The following ROBO1 variants were observed in gnomAD, a reference collection of about 807,000 sequenced individuals.
ROBO1 encodes roundabout homolog 1.
Under a neutral mutation model 195.9 loss-of-function variants are expected in ROBO1, and 149 were observed. The observed-to-expected ratio is 0.76, with a 90% CI of 0.67 to 0.87. The LOEUF (loss-of-function observed/expected upper bound fraction) is 0.87. Ranked by LOEUF, ROBO1 falls within the 40% of genes least tolerant of loss-of-function variation. ROBO1 has a pLI of 0.00. For missense variants in ROBO1, 1,933 were observed against 2,068.3 expected, an observed-to-expected ratio of 0.93 and a Z score of 1.27; for synonymous variants, 816 against 733.2, an observed-to-expected ratio of 1.11 and a Z score of -1.82.
chr3:78,841,404 A>C (rs1319496636), intron 4 of ROBO1, among the ~76,000 whole-genome samples: 1 of 152,188 alleles, frequency 6.6e-6, no homozygotes, highest in East Asian at 1.9e-4. Flanking sequence ...CTTGTGAAAC[A>C]TAAAGAACTC....
At chr3:79,591,119 T>G in intron 1 of ROBO1, among the ~76,000 whole-genome samples, 1 of 151,838 alleles carries the variant, frequency 6.6e-6, no homozygotes. Context: ...TGGAAAGACT[T>G]AATCTTTTAA....
In ROBO1 at chr3:78,655,158, G is replaced by A. The variant is rs899590429; in HGVS notation, c.2614+1940C>T. 5.9e-5 allele frequency among the ~76,000 whole-genome samples: 9 copies of A among 152,060 alleles called. No individual in the cohort carries two copies. In the East Asian group the frequency reaches 1.7e-3, roughly 29 times the overall value. On this transcript the variant is annotated intron_variant, in intron 18 of 30. Transcript: ENST00000464233. The stretch of plus-strand genomic sequence containing the variant: ...ATATTTTCATAGTTTTTGGAGAACA[G>A]GATGTTTTTAGTTATATGGATAAGT...
chr3:79,508,043 G>C (rs533083121), intron 2 of ROBO1: 1 of 152,390 alleles, frequency 6.6e-6, no homozygotes, highest in African/African-American at 2.4e-5. Context: ...TCATAAGTGG[G>C]AGTTGAACGA....
At chr3:79,009,376 T>C (rs1428231256) in intron 3 of ROBO1, among the ~76,000 whole-genome samples, 1 of 152,108 alleles carries the variant, frequency 6.6e-6, no homozygotes, top group Non-Finnish European at 1.5e-5. Context: ...AAAGCTTCAA[T>C]CTTCATTTAA....
chr3:78,651,979 T>C (rs1286902262), intron 18 of ROBO1, 50 bp from the exon 19 acceptor site: 3 of 1,386,020 alleles, frequency 2.2e-6, no homozygotes, highest in African/African-American at 1.4e-5. Flanking sequence ...AATGCAATAA[T>C]GCACGCACTC....
chr3:79,031,017 C>T (rs1020174565), intron 3 of ROBO1, among the ~76,000 whole-genome samples: 5 of 152,166 alleles, frequency 3.3e-5, no homozygotes, highest in East Asian at 1.9e-4. Context: ...CCACCATGCC[C>T]GGCCCCAATA....
chr3:79,261,704 G>T (rs150579488), intron 2 of ROBO1, among the ~76,000 whole-genome samples: 1 of 151,982 alleles, frequency 6.6e-6, no homozygotes, highest in African/African-American at 2.4e-5. Context: ...TAATTTACTT[G>T]CCAAAGATAT....
intron 2 of ROBO1, among the ~76,000 whole-genome samples, chr3:79,546,089 A>G (rs1942253385): frequency 6.6e-6 from 1 of 151,892 alleles, no homozygotes; most frequent in Non-Finnish European, 1.5e-5. Context: ...TATAGTAAAT[A>G]TTTTTCTTAT....
chr3:79,295,142 T>C (rs974719519), intron 2 of ROBO1, among the ~76,000 whole-genome samples: 1 of 152,158 alleles, frequency 6.6e-6, no homozygotes, highest in Non-Finnish European at 1.5e-5. Context: ...TAAAGACACA[T>C]GCATATGTAT....
At chr3:79,662,949 C>A (rs1408901947) in intron 1 of ROBO1, among the ~76,000 whole-genome samples, 1 of 151,930 alleles carries the variant, frequency 6.6e-6, no homozygotes, top group Non-Finnish European at 1.5e-5. Flanking sequence ...ATAAAATAAT[C>A]ACGATATATA....
intron 11 of ROBO1, among the ~76,000 whole-genome samples, chr3:78,669,403 A>G (rs1707927958): frequency 6.6e-6 from 1 of 152,182 alleles, no homozygotes. Context: ...AACCACCCAC[A>G]CTAGGAGATA....
chr3:79,642,543 C>T (rs1945697090), intron 1 of ROBO1, among the ~76,000 whole-genome samples: 1 of 152,044 alleles, frequency 6.6e-6, no homozygotes, highest in African/African-American at 2.4e-5. Flanking sequence ...GAAAATAACA[C>T]ATAAAGAAGC....
intron 2 of ROBO1, among the ~76,000 whole-genome samples, chr3:79,333,045 T>C (rs1328644205): frequency 1.3e-5 from 2 of 151,222 alleles, no homozygotes; most frequent in African/African-American, 2.4e-5. Context: ...CTGCTGAAAA[T>C]ACAAAAAATT....
intron 2 of ROBO1, among the ~76,000 whole-genome samples, chr3:79,400,806 A>T (rs1353612191): frequency 6.6e-6 from 1 of 152,086 alleles, no homozygotes; most frequent in African/African-American, 2.4e-5. Flanking sequence ...GTGTAAATGG[A>T]TGGGTTTTAT....
At chr3:79,598,300 T>TAAA (rs1486608220) in intron 1 of ROBO1, among the ~76,000 whole-genome samples, 1 of 152,014 alleles carries the variant, frequency 6.6e-6, no homozygotes, top group African/African-American at 2.4e-5. Flanking sequence ...AAAACTAAGT[T>TAAA]ACCTGAAGCA....
At chr3:79,569,913 A>T (rs1336737151) in intron 2 of ROBO1, among the ~76,000 whole-genome samples, 1 of 152,002 alleles carries the variant, frequency 6.6e-6, no homozygotes, top group African/African-American at 2.4e-5. Flanking sequence ...AGCTTAGGCA[A>T]CTTGGGAAGA....
intron 3 of ROBO1, among the ~76,000 whole-genome samples, chr3:78,971,794 CTTGCACT>C: frequency 6.6e-6 from 1 of 152,018 alleles, no homozygotes; most frequent in African/African-American, 2.4e-5. Flanking sequence ...TTGACAGAGT[CTTGCACT>C]GTCACCCAAG....
intron 2 of ROBO1, among the ~76,000 whole-genome samples, chr3:79,467,420 CCT>C (rs1489947612): frequency 1.3e-5 from 2 of 151,292 alleles, no homozygotes; most frequent in African/African-American, 4.9e-5. Context: ...TCCACAAACC[CCT>C]CTCCCATACC....
chr3:78,969,611 T>A (rs183576394), intron 3 of ROBO1, among the ~76,000 whole-genome samples: 381 of 152,220 alleles, frequency 2.5e-3, no homozygotes, highest in Non-Finnish European at 3.2e-3. Context: ...AAGTTCAGTA[T>A]CATCTGAGTA....
Sources: gnomAD v4.1 joint callset for allele counts (sites outside exome capture counted in the v4.1 genomes callset) on GRCh38, gnomAD v4.1.1 for gene constraint, MANE v1.5 for transcripts, NCBI Gene and HGNC (gene_info 2026-07-23, HGNC 2026-07-21) for gene names.